The following NUDC variants were observed in gnomAD, a reference collection of about 807,000 sequenced individuals.
The protein encoded by NUDC is nuclear distribution C, dynein complex regulator.
Under a neutral mutation model 45.0 loss-of-function variants are expected in NUDC, and 14 were observed. That is an observed-to-expected ratio of 0.31 (90% CI 0.21 to 0.49). The LOEUF is 0.49. Ranked by LOEUF, NUDC falls within the 20% of genes least tolerant of loss-of-function variation. The pLI is 0.99. For synonymous variants in NUDC, 153 were observed against 156.7 expected (o/e 0.98, Z 0.17); for missense variants, 323 against 426.2 (o/e 0.76, Z 2.13).
chr1:26,927,300 T>TGC (rs1312596623), intron 2 of NUDC, among the ~76,000 whole-genome samples: 4 of 151,448 alleles, frequency 2.6e-5, no homozygotes, highest in Non-Finnish European at 5.9e-5. Context: ...TGTGTGTGTG[T>TGC]GTGTCAGGGT....
intron 2 of NUDC, among the ~76,000 whole-genome samples, chr1:26,904,465 G>A (rs898184519): frequency 1.3e-5 from 2 of 152,038 alleles, no homozygotes; most frequent in East Asian, 1.9e-4. Flanking sequence ...TCAGTCTGTC[G>A]CCTAGGCTAG....
intron 2 of NUDC, among the ~76,000 whole-genome samples, chr1:26,936,134 A>AACATATAT (rs1553163907): frequency 5.9e-4 from 4 of 6,812 alleles, no homozygotes; most frequent in Admixed American, 3.3e-3. Flanking sequence ...ACGCCCGGCT[A>AACATATAT]ATATATATAT....
chr1:26,919,006 G>A (rs1186854865), upstream of NUDC, among the ~76,000 whole-genome samples: 1 of 151,350 alleles, frequency 6.6e-6, no homozygotes, highest in Non-Finnish European at 1.5e-5. Context: ...TTGAACTCTG[G>A]GCCTCAAGTG....
chr1:26,921,981 C>A, intron 1 of NUDC, 52 bp downstream of exon 1: 1 of 1,523,700 alleles, frequency 6.6e-7, no homozygotes, highest in Non-Finnish European at 8.9e-7. Flanking sequence ...CACGCTCCTT[C>A]CGCCCTTCTC....
chr1:26,906,742 G>C (rs1169173578), intron 2 of NUDC, among the ~76,000 whole-genome samples: 1 of 152,046 alleles, frequency 6.6e-6, no homozygotes, highest in Non-Finnish European at 1.5e-5. Context: ...CCAGCTACTC[G>C]GGAGGCTGAG....
At chr1:26,926,605 CTT>C (rs533535208) in intron 2 of NUDC, among the ~76,000 whole-genome samples, 2 of 147,082 alleles carry the variant, frequency 1.4e-5, no homozygotes, top group African/African-American at 2.5e-5. Flanking sequence ...TTTTTTCTTT[CTT>C]TTTTTTTTTG....
chr1:26,914,015 G>C, intron 3 of NUDC: 3 of 1,240,378 alleles, frequency 2.4e-6, no homozygotes, highest in South Asian at 3.0e-5. Flanking sequence ...TATTCCCAGT[G>C]AGTGGAACGG....
In NUDC at chr1:26,921,766, G is replaced by C. The variant is rs2082092391; in HGVS notation, c.-83G>C. The C allele has an allele frequency of 2.1e-6, 3 of 1,449,650 alleles. No individual in the cohort carries two copies. The African/African-American group carries it at 4.2e-5, about 20-fold the overall frequency. 89.8% of individuals were successfully genotyped at this position (1,449,650 alleles called of 1,614,324 possible). ...CTGCGGAAGGCGGACGACTAGAGTC[G>C]TTGGGCCCGGCGCGACCCGCAGGAG... On this transcript the variant is annotated 5_prime_UTR_variant, in exon 1 of 9. Coordinates refer to ENST00000321265, the MANE Select transcript of NUDC (RefSeq NM_006600.4).
intron 3 of NUDC, chr1:26,913,467 G>C (rs764142312): frequency 2.5e-6 from 4 of 1,614,084 alleles, no homozygotes; most frequent in South Asian, 2.2e-5. Context: ...TAAGCTCCAG[G>C]CTCCAGAAGG....
rs921567500 is a variant in NUDC, at chr1:26,921,780, G to T, written c.-69G>T. The T allele has an allele frequency of 4.7e-6, 7 of 1,500,292 alleles. No homozygotes were observed. The East Asian group carries it at 9.9e-5, about 21-fold the overall frequency. The allele number at this position is 1,500,292 out of a possible 1,614,324, so 92.9% of individuals were successfully genotyped here. On this transcript the variant is annotated 5_prime_UTR_variant, in exon 1 of 9. Transcript: ENST00000321265. ...CGACTAGAGTCGTTGGGCCCGGCGC[G>T]ACCCGCAGGAGCGTAGAGAGCGCGG...
At chr1:26,929,595 G>C in intron 2 of NUDC, 1 of 230,176 alleles carries the variant, frequency 4.3e-6, no homozygotes, top group Middle Eastern at 4.6e-4. Flanking sequence ...ATTAGTGTTG[G>C]GGAGTGGTCC....
chr1:26,906,278 C>CA (rs901032599), intron 2 of NUDC, among the ~76,000 whole-genome samples: 27 of 145,426 alleles, frequency 1.9e-4, no homozygotes, highest in South Asian at 4.4e-4. Flanking sequence ...GACTCTGTCT[C>CA]AAAAAAAAAC....
chr1:26,933,236 A>T (rs1398067932), intron 2 of NUDC, among the ~76,000 whole-genome samples: 1 of 147,316 alleles, frequency 6.8e-6, no homozygotes, highest in Non-Finnish European at 1.5e-5. Flanking sequence ...CCCGGCCACA[A>T]TTTTTTTTTT....
chr1:26,914,975 ATATATG>A (rs57409245), intron 3 of NUDC, among the ~76,000 whole-genome samples: 75,529 of 140,952 alleles, frequency 0.54, 22,332 homozygotes, highest in Non-Finnish European at 0.66. Flanking sequence ...TCAAAAAAAT[ATATATG>A]TATATGTATA....
At chr1:26,925,159 G>T (rs1280985640) in intron 2 of NUDC, among the ~76,000 whole-genome samples, 1 of 151,786 alleles carries the variant, frequency 6.6e-6, no homozygotes, top group African/African-American at 2.4e-5. Flanking sequence ...GGGAGTACAG[G>T]TGTGAGCCAC....
chr1:26,923,434 C>A (rs953445004), intron 1 of NUDC, among the ~76,000 whole-genome samples: 1 of 152,224 alleles, frequency 6.6e-6, no homozygotes, highest in Non-Finnish European at 1.5e-5. Flanking sequence ...GAAGTGGCTT[C>A]ATTTGCTCTC....
At chr1:26,900,225 G>A (rs756711230), upstream of NUDC, 1 of 1,614,206 alleles carries the variant, frequency 6.2e-7, no homozygotes, top group South Asian at 1.1e-5. Context: ...CTGGCCCTCA[G>A]CGGCTGGGTC....
intron 3 of NUDC, among the ~76,000 whole-genome samples, chr1:26,915,044 C>CACAT (rs1378239823): frequency 2.9e-4 from 40 of 137,048 alleles, no homozygotes; most frequent in African/African-American, 8.2e-4. Context: ...TATATATATA[C>CACAT]ACATACATAC....
intron 2 of NUDC, among the ~76,000 whole-genome samples, chr1:26,933,881 A>C (rs145352507): frequency 1.3e-5 from 2 of 152,144 alleles, no homozygotes; most frequent in Non-Finnish European, 2.9e-5. Flanking sequence ...ACGGCTGGGC[A>C]CGGTGGCTCA....
Sources: gnomAD v4.1 joint callset for allele counts (sites outside exome capture counted in the v4.1 genomes callset) on GRCh38, gnomAD v4.1.1 for gene constraint, MANE v1.5 for transcripts, NCBI Gene and HGNC (gene_info 2026-07-23, HGNC 2026-07-21) for gene names.